The following KIAA1217 variants were observed in gnomAD, a reference collection of about 807,000 sequenced individuals.
KIAA1217 encodes the protein sickle tail protein homolog.
In KIAA1217, 88 loss-of-function variants were observed where a neutral mutation model predicts 163.9. The ratio of observed to expected loss-of-function variants is 0.54; its 90% CI spans 0.45 to 0.64. The LOEUF is 0.64. Among genes scored for constraint, KIAA1217 ranks in the 30% least tolerant of loss-of-function variants. KIAA1217 has a pLI of 0.00. For synonymous variants in KIAA1217, 903 were observed against 923.1 expected (o/e 0.98, Z 0.39); for missense variants, 2,372 against 2,475.0 (o/e 0.96, Z 0.88).
chr10:24,351,377 C>T (rs1423667437), intron 2 of KIAA1217, among the ~76,000 whole-genome samples: 1 of 152,116 alleles, frequency 6.6e-6, no homozygotes, highest in Non-Finnish European at 1.5e-5. Flanking sequence ...TTCTAGAGAT[C>T]CTGGCAGTCA....
At chr10:24,437,558 A>T (rs923776960) in intron 4 of KIAA1217, among the ~76,000 whole-genome samples, 2 of 152,190 alleles carry the variant, frequency 1.3e-5, no homozygotes, top group African/African-American at 2.4e-5. Context: ...GACAGAGCCA[A>T]AAGGGCCTTG....
intron 1 of KIAA1217, among the ~76,000 whole-genome samples, chr10:23,773,281 G>A (rs373253401): frequency 2.6e-4 from 40 of 151,896 alleles, no homozygotes; most frequent in East Asian, 2.5e-3. Context: ...GTAGATATGC[G>A]GCGTTATTTC....
Position 23,839,426 on chromosome 10 carries a change from T to A in KIAA1217, c.-321+144192T>A, listed in dbSNP as rs541573015. Among the ~76,000 whole-genome samples, 26 of 152,330 alleles carry A rather than the reference T, an allele frequency of 1.7e-4. No individual in the cohort carries two copies. In the South Asian group the frequency reaches 5.2e-3, roughly 30 times the overall value. On this transcript the variant is annotated intron_variant, in intron 1 of 18. Transcript: ENST00000376462. ...TTCTCTTCTTTAGTGAGAAGGTCAC[T>A]CTTCAGATCCGCTTTTGCTGATATA...
chr10:23,969,393 C>G (rs1052275210), intron 1 of KIAA1217, among the ~76,000 whole-genome samples: 2 of 152,174 alleles, frequency 1.3e-5, no homozygotes, highest in African/African-American at 4.8e-5. Flanking sequence ...ATTGGCTGTA[C>G]CATCTTACAG....
chr10:24,354,389 C>G (rs949366807), intron 2 of KIAA1217, among the ~76,000 whole-genome samples: 1 of 152,206 alleles, frequency 6.6e-6, no homozygotes, highest in Non-Finnish European at 1.5e-5. Flanking sequence ...CTTTTGGACT[C>G]TGGCCCCACA....
chr10:24,272,089 A>G (rs546562539), intron 2 of KIAA1217, among the ~76,000 whole-genome samples: 3 of 152,286 alleles, frequency 2.0e-5, no homozygotes, highest in South Asian at 4.1e-4. Flanking sequence ...AAGCCTAGCA[A>G]TAAGGTTCAA....
At chr10:23,873,688 T>TGTTTCTCTC in intron 1 of KIAA1217, among the ~76,000 whole-genome samples, 1 of 130,412 alleles carries the variant, frequency 7.7e-6, no homozygotes, top group African/African-American at 3.3e-5. Flanking sequence ...AGTTGTCTGT[T>TGTTTCTCTC]TCTCTCTCTC....
intron 2 of KIAA1217, among the ~76,000 whole-genome samples, chr10:24,072,218 G>A (rs559531619): frequency 4.4e-4 from 67 of 151,848 alleles, no homozygotes; most frequent in Non-Finnish European, 7.5e-4. Context: ...GTAGAGATGG[G>A]GGTCTCACTA....
chr10:23,973,808 C>G (rs1242550446), intron 1 of KIAA1217, among the ~76,000 whole-genome samples: 1 of 151,744 alleles, frequency 6.6e-6, no homozygotes, highest in African/African-American at 2.4e-5. Flanking sequence ...TATAGGACCA[C>G]TTCTAGTCAA....
intron 2 of KIAA1217, among the ~76,000 whole-genome samples, chr10:24,067,376 C>A (rs575258419): frequency 6.6e-6 from 1 of 152,330 alleles, no homozygotes; most frequent in East Asian, 1.9e-4. Context: ...GGACCCTCAG[C>A]TGCAGGTCTG....
At position 24,381,083 on chromosome 10, in the gene KIAA1217, C is replaced by G; in HGVS notation, c.553+16C>G. On this transcript the variant is annotated intron_variant, in intron 3 of 20. Transcript: ENST00000376454. ...AGATCTCTGGGTAAGCTTTAGAAGGCAGTTTCTGATGCCCCTTTCTTACTG... is the reference window on the plus strand; with the variant it reads ...AGATCTCTGGGTAAGCTTTAGAAGGGAGTTTCTGATGCCCCTTTCTTACTG... 6.6e-7 allele frequency: 1 copy of G among 1,513,130 alleles called. No individual in the cohort carries two copies. Among genetic ancestry groups the G allele is most frequent in the Non-Finnish European group, 8.9e-7 (1 of 1,126,794 alleles). The allele number at this position is 1,513,130 out of a possible 1,614,324, so 93.7% of individuals were successfully genotyped here.
chr10:23,854,463 TGTG>T (rs893034467), intron 1 of KIAA1217, among the ~76,000 whole-genome samples: 10 of 152,278 alleles, frequency 6.6e-5, no homozygotes, highest in Non-Finnish European at 1.2e-4. Flanking sequence ...GTAGGTGTGG[TGTG>T]GTGCTGAAAA....
intron 3 of KIAA1217, among the ~76,000 whole-genome samples, chr10:24,429,083 A>G (rs1564661539): frequency 6.6e-6 from 1 of 152,184 alleles, no homozygotes; most frequent in Non-Finnish European, 1.5e-5. Flanking sequence ...CCAACTTTAT[A>G]GAGACCTGAT....
At position 23,695,679 on chromosome 10, in the gene KIAA1217, G is replaced by C. The variant is rs961155149; in HGVS notation, c.-321+445G>C. On this transcript the variant is annotated intron_variant, in intron 1 of 18. Coordinates refer to the KIAA1217 transcript ENST00000376462. This position sits in a 1 kb window ranked among gnomAD's most constrained non-coding sequence, Gnocchi z 4.9. ...GCTCTTTCTGATGGCTGGAAGACAG[G>C]GGCAAGGAGAGAGAGAACCGGCCCC... is the stretch of plus-strand genomic sequence containing the variant. Among the ~76,000 whole-genome samples, 1 of 152,184 alleles carries C rather than the reference G, an allele frequency of 6.6e-6. No individual in the cohort carries two copies. The highest frequency in any genetic ancestry group is 2.4e-5 in the African/African-American group (1 of 41,470).
At chr10:24,409,041 G>A (rs1279600525) in intron 3 of KIAA1217, among the ~76,000 whole-genome samples, 1 of 152,202 alleles carries the variant, frequency 6.6e-6, no homozygotes, top group Admixed American at 6.5e-5. Context: ...AACTGGCGTG[G>A]ATGATACAGT....
At chr10:23,827,457 A>T (rs1031099356) in intron 1 of KIAA1217, among the ~76,000 whole-genome samples, 8 of 152,084 alleles carry the variant, frequency 5.3e-5, no homozygotes, top group Non-Finnish European at 7.4e-5. Context: ...ATTAGTATAT[A>T]CTCAATAAAC....
rs1201382624 is a variant in KIAA1217 at position 23,790,559 on chromosome 10, A to G, written c.-321+95325A>G. ...TATACATGTGCATATATACATATGTACATATGTATATATACATATGTATAT... is the reference window on the plus strand; with the variant it reads ...TATACATGTGCATATATACATATGTGCATATGTATATATACATATGTATAT... On this transcript the variant is annotated intron_variant, in intron 1 of 18. Transcript: ENST00000376462. Among the ~76,000 whole-genome samples the G allele has an allele frequency of 2.7e-5, 3 of 111,090 alleles. 1 individual carries two copies. The highest frequency in any genetic ancestry group is 2.6e-4 in the Admixed American group (3 of 11,438). 72.9% of individuals were successfully genotyped at this position (111,090 alleles called of 152,430 possible).
At position 24,497,244 on chromosome 10, in the gene KIAA1217, G is replaced by T. The variant is rs145988903; in HGVS notation, c.1834+2048G>T. Among the ~76,000 whole-genome samples the T allele has an allele frequency of 8.1e-4, 123 of 152,270 alleles. 1 individual carries two copies. In the East Asian group the frequency reaches 0.02, roughly 24 times the overall value. Reference sequence around the variant, plus strand: ...AGTAAAGGAAAACCCAGACTTCCTGGCTACTTATGGAATGTGTAGTTTACT... The same window carrying T: ...AGTAAAGGAAAACCCAGACTTCCTGTCTACTTATGGAATGTGTAGTTTACT... On this transcript the variant is annotated intron_variant, in intron 8 of 20. Transcript: ENST00000376454.
intron 2 of KIAA1217, among the ~76,000 whole-genome samples, chr10:24,008,075 C>T (rs949072439): frequency 2.6e-5 from 4 of 152,004 alleles, no homozygotes; most frequent in African/African-American, 9.7e-5. Context: ...CATTTTCTCC[C>T]ATTACAAAGT....
Sources: gnomAD v4.1 joint callset for allele counts (sites outside exome capture counted in the v4.1 genomes callset) on GRCh38, gnomAD v4.1.1 for gene constraint, Gnocchi (gnomAD v3.1) non-coding constraint, MANE v1.5 for transcripts, NCBI Gene and HGNC (gene_info 2026-07-23, HGNC 2026-07-21) for gene names.